Variants in PRKG1 observed in about 807,000 individuals in gnomAD.
PRKG1 encodes cGMP-dependent protein kinase 1.
PRKG1 carries 35 observed loss-of-function variants against 88.1 expected under a neutral mutation model. The ratio of observed to expected loss-of-function variants is 0.40; its 90% CI spans 0.30 to 0.53. The LOEUF (loss-of-function observed/expected upper bound fraction) is 0.53. PRKG1 is among the 20% of genes least tolerant of loss of function. PRKG1 has a pLI of 0.59. For synonymous variants in PRKG1, 303 were observed against 292.5 expected (o/e 1.04, Z -0.37); for missense variants, 540 against 839.8 (o/e 0.64, Z 4.41).
intron 4 of PRKG1, among the ~76,000 whole-genome samples, chr10:51,872,563 A>ATT (rs1841186213): frequency 1.3e-5 from 2 of 152,074 alleles, no homozygotes; most frequent in South Asian, 4.1e-4. Flanking sequence ...AATTTTTTCA[A>ATT]TTTTTCTTAA....
At chr10:51,939,161 T>C (rs12767618) in intron 5 of PRKG1, among the ~76,000 whole-genome samples, 30,772 of 152,004 alleles carry the variant, frequency 0.2, 4,053 homozygotes, top group Non-Finnish European at 0.29. Context: ...TGTTGCTCCA[T>C]TGTCACCACA....
At chr10:51,708,071 C>T (rs1324908408) in intron 3 of PRKG1, among the ~76,000 whole-genome samples, 1 of 152,192 alleles carries the variant, frequency 6.6e-6, no homozygotes, top group East Asian at 1.9e-4. Context: ...ATCTGCTAGG[C>T]TGCTGTATTA....
chr10:51,844,114 A>G (rs1357940171), intron 4 of PRKG1, among the ~76,000 whole-genome samples: 1 of 152,086 alleles, frequency 6.6e-6, no homozygotes, highest in African/African-American at 2.4e-5. Context: ...ATTTTTGTCA[A>G]TGCATCATTT....
Position 52,062,450 on chromosome 10 carries a change from A to G in PRKG1, c.841-87A>G, listed in dbSNP as rs943343797. 8 of 770,154 alleles carry G rather than the reference A, an allele frequency of 1.0e-5. No individual in the cohort carries two copies. The East Asian group carries it at 1.2e-4, about 11-fold the overall frequency. The allele number at this position is 770,154 out of a possible 1,614,324, so 47.7% of individuals were successfully genotyped here. On this transcript the variant is annotated intron_variant, in intron 6 of 17. Coordinates refer to ENST00000373980, the MANE Select transcript of PRKG1 (RefSeq NM_006258.4). ...CTTTATAAAAATAAGAAAAGAAACAAGAAACGGAATTAACTTCATTAATTA... is the reference window on the plus strand; with the variant it reads ...CTTTATAAAAATAAGAAAAGAAACAGGAAACGGAATTAACTTCATTAATTA...
intron 5 of PRKG1, among the ~76,000 whole-genome samples, chr10:51,950,682 T>G (rs1843160990): frequency 6.6e-6 from 1 of 152,370 alleles, no homozygotes; most frequent in South Asian, 2.1e-4. Context: ...GTTCTTTTAG[T>G]TCCACTATCC....
chr10:51,459,314 G>C (rs984568080), intron 2 of PRKG1, among the ~76,000 whole-genome samples: 2 of 152,072 alleles, frequency 1.3e-5, no homozygotes. Flanking sequence ...CTGTATATTA[G>C]ACATCCTTTT....
chr10:51,747,558 T>C (rs1411179402), intron 3 of PRKG1, among the ~76,000 whole-genome samples: 1 of 152,038 alleles, frequency 6.6e-6, no homozygotes, highest in Non-Finnish European at 1.5e-5. Context: ...TTCTAAGGCC[T>C]ATTAATGGCA....
chr10:51,847,993 C>G (rs986380356), intron 4 of PRKG1, among the ~76,000 whole-genome samples: 1 of 149,716 alleles, frequency 6.7e-6, no homozygotes, highest in African/African-American at 2.5e-5. Context: ...GTATTTACTA[C>G]TTGCCTACCT....
chr10:52,137,495 A>G (rs1316386552), intron 8 of PRKG1, among the ~76,000 whole-genome samples: 1 of 152,124 alleles, frequency 6.6e-6, no homozygotes, highest in African/African-American at 2.4e-5. Context: ...AAGTACAGTC[A>G]TTCTTTAGTA....
At chr10:51,923,272 A>G (rs1198552906) in intron 5 of PRKG1, among the ~76,000 whole-genome samples, 1 of 151,628 alleles carries the variant, frequency 6.6e-6, no homozygotes, top group African/African-American at 2.4e-5. Flanking sequence ...TTAACTTTTA[A>G]TCTCTCTCTG....
chr10:52,238,574 T>C (rs1840755242), intron 9 of PRKG1, among the ~76,000 whole-genome samples: 2 of 151,398 alleles, frequency 1.3e-5, no homozygotes, highest in Non-Finnish European at 2.9e-5. Flanking sequence ...GAAAAAATGC[T>C]CATCATCACT....
intron 1 of PRKG1, among the ~76,000 whole-genome samples, chr10:51,103,159 G>A (rs2131884320): frequency 6.6e-6 from 1 of 151,700 alleles, no homozygotes; most frequent in South Asian, 2.1e-4. Context: ...TAGAAAATGA[G>A]AGTGTTCATC....
chr10:51,124,512 G>C (rs887750123), intron 1 of PRKG1, among the ~76,000 whole-genome samples: 1 of 152,100 alleles, frequency 6.6e-6, no homozygotes, highest in African/African-American at 2.4e-5. Context: ...ACTTGATAGC[G>C]TGGGAGGGAG....
chr10:51,743,880 A>C lies in PRKG1; in HGVS notation c.593-60705A>C, dbSNP rs969125912. Among the ~76,000 whole-genome samples the C allele has an allele frequency of 2.7e-5, 4 of 150,466 alleles. No individual in the cohort carries two copies. The Admixed American group carries it at 2.7e-4, about 10-fold the overall frequency. On this transcript the variant is annotated intron_variant, in intron 3 of 17. Transcript: ENST00000373980. ...GATTTCTGATTTCTGATTGTTTTAA[A>C]TATTCGGCTGAATACAAATTGAAAT... is the stretch of plus-strand genomic sequence containing the variant.
chr10:51,439,220 G>A (rs148319366), intron 2 of PRKG1, among the ~76,000 whole-genome samples: 419 of 151,832 alleles, frequency 2.8e-3, no homozygotes, highest in Non-Finnish European at 5.1e-3. Flanking sequence ...CACTGGATAC[G>A]CATGTCTTAC....
intron 9 of PRKG1, among the ~76,000 whole-genome samples, chr10:52,220,972 CCA>C (rs1840231358): frequency 6.6e-6 from 1 of 152,068 alleles, no homozygotes; most frequent in Non-Finnish European, 1.5e-5. Flanking sequence ...TGAGGAATCA[CCA>C]CACTGCTTTC....
At chr10:51,669,257 T>C (rs957298192) in intron 3 of PRKG1, among the ~76,000 whole-genome samples, 1 of 152,180 alleles carries the variant, frequency 6.6e-6, no homozygotes, top group Non-Finnish European at 1.5e-5. Context: ...CATAGTTGGG[T>C]TCCGGTGAGG....
At chr10:51,669,179 C>T (rs938904212) in intron 3 of PRKG1, among the ~76,000 whole-genome samples, 5 of 152,200 alleles carry the variant, frequency 3.3e-5, no homozygotes, top group Admixed American at 1.3e-4. Flanking sequence ...ATAGACTGGG[C>T]GACTTAAACA....
Position 51,672,497 on chromosome 10 carries a change from T to C in PRKG1, c.593-132088T>C, listed in dbSNP as rs568538184. Among the ~76,000 whole-genome samples the C allele has an allele frequency of 4.6e-5, 7 of 152,280 alleles. No homozygotes were observed. The South Asian group carries it at 1.5e-3, about 32-fold the overall frequency. On this transcript the variant is annotated intron_variant, in intron 3 of 17. Coordinates refer to ENST00000373980, the MANE Select transcript of PRKG1 (RefSeq NM_006258.4). ...TAATATTTATAGTTTTTCTTTATGT[T>C]TTGCCTTTCTTGTTTTATTTTTATA...
Sources: allele counts gnomAD v4.1 joint callset (sites outside exome capture counted in the v4.1 genomes callset), GRCh38; gene constraint gnomAD v4.1.1; transcripts MANE v1.5; gene names NCBI Gene and HGNC (gene_info 2026-07-23, HGNC 2026-07-21).